Variants in TRAF3IP1 observed in about 807,000 individuals in gnomAD.
The protein encoded by TRAF3IP1 is intraflagellar transport 54.
In TRAF3IP1, 53 loss-of-function variants were observed where a neutral mutation model predicts 89.9. That is an observed-to-expected ratio of 0.59 (90% confidence interval 0.47 to 0.74). The LOEUF (loss-of-function observed/expected upper bound fraction) is 0.74. Ranked by LOEUF, TRAF3IP1 falls within the 30% of genes least tolerant of loss-of-function variation. The pLI is 0.00. For missense variants in TRAF3IP1, 806 were observed against 866.1 expected, an observed-to-expected ratio of 0.93 and a Z score of 0.87; for synonymous variants, 311 against 322.1, an observed-to-expected ratio of 0.97 and a Z score of 0.37.
intron 15 of TRAF3IP1, among the ~76,000 whole-genome samples, chr2:238,373,214 A>G (rs1700180372): frequency 6.6e-6 from 1 of 152,178 alleles, no homozygotes; most frequent in Non-Finnish European, 1.5e-5. Context: ...GCCCATGCCT[A>G]TGTCCTGAAT....
At chr2:238,354,489 C>A (rs1368631633) in intron 14 of TRAF3IP1, among the ~76,000 whole-genome samples, 1 of 152,204 alleles carries the variant, frequency 6.6e-6, no homozygotes, top group Non-Finnish European at 1.5e-5. Context: ...TCTTCCATCT[C>A]ATGCCAAAAA....
chr2:238,333,907 G>T (rs1698251002), intron 6 of TRAF3IP1, 53 bp from the exon 7 acceptor site: 1 of 1,413,368 alleles, frequency 7.1e-7, no homozygotes, highest in Non-Finnish European at 9.8e-7. Flanking sequence ...ACCTGCTTAT[G>T]ATACTGCTGT....
rs368349967 is a variant in TRAF3IP1 at position 238,360,342 on chromosome 2, TAG to T, written c.1689+4263_1689+4264del. 7.4e-4 allele frequency among the ~76,000 whole-genome samples: 113 copies of T among 152,280 alleles called. 2 individuals carry two copies. The highest frequency in any genetic ancestry group is 2.6e-3 in the African/African-American group (106 of 41,560). On this transcript the variant is annotated intron_variant, in intron 15 of 16. Coordinates refer to ENST00000373327, the MANE Select transcript of TRAF3IP1 (RefSeq NM_015650.4). ...AACTTTTTAAGAAACTGCCAGACCA[TAG>T]GGCTGGGTGCTATGGCTCACACCTG... is the stretch of plus-strand genomic sequence containing the variant.
At chr2:238,381,668 A>G (rs563948081) in intron 15 of TRAF3IP1, among the ~76,000 whole-genome samples, 1 of 152,298 alleles carries the variant, frequency 6.6e-6, no homozygotes, top group Admixed American at 6.5e-5. Context: ...CCCTGATGGG[A>G]TCCTCGAAAA....
rs1286640773 is a variant in TRAF3IP1 at position 238,400,793 on chromosome 2, T to C, written c.*1874T>C. 9.2e-5 allele frequency: 14 copies of C among 152,240 alleles called. No homozygotes were observed. Among genetic ancestry groups the C allele is most frequent in the African/African-American group, 3.1e-4 (13 of 41,470 alleles). 9.4% of individuals were successfully genotyped at this position (152,240 alleles called of 1,614,324 possible). A position where few individuals can be genotyped will look rare whatever the true frequency, so the allele number is the denominator to read the frequency against. On this transcript the variant is annotated 3_prime_UTR_variant, in exon 17 of 17. Transcript: ENST00000373327. ...TGGGGGTTGCCAAAAATTGCATACA[T>C]TGTATGTAAGTAAAATTTTTTATGA...
chr2:238,323,227 T>C (rs1285938026), intron 1 of TRAF3IP1, among the ~76,000 whole-genome samples: 1 of 152,128 alleles, frequency 6.6e-6, no homozygotes, highest in Non-Finnish European at 1.5e-5. Flanking sequence ...TGCAGGCACA[T>C]GCCACCATGT....
chr2:238,334,940 A>G (rs1184308854), intron 7 of TRAF3IP1, among the ~76,000 whole-genome samples: 2 of 152,156 alleles, frequency 1.3e-5, no homozygotes, highest in Non-Finnish European at 2.9e-5. Flanking sequence ...GCTGATTTTG[A>G]TGGACGAAAA....
At chr2:238,352,684 C>A in intron 12 of TRAF3IP1, 143 bp from the exon 13 acceptor site, 1 of 821,790 alleles carries the variant, frequency 1.2e-6, no homozygotes, top group Non-Finnish European at 1.9e-6. Context: ...TCCATCTTAG[C>A]TTCAGCGGGT....
At chr2:238,366,865 G>T (rs1699897883) in intron 15 of TRAF3IP1, among the ~76,000 whole-genome samples, 1 of 152,062 alleles carries the variant, frequency 6.6e-6, no homozygotes, top group African/African-American at 2.4e-5. Flanking sequence ...GTTAGCCCCA[G>T]GATGAAAATT....
At chr2:238,339,122 G>A (rs75556220) in intron 8 of TRAF3IP1, among the ~76,000 whole-genome samples, 3 of 152,316 alleles carry the variant, frequency 2.0e-5, no homozygotes, top group Non-Finnish European at 2.9e-5. Context: ...ACTTTTACAC[G>A]TTCTGGAGCG....
rs771260342 is a variant in TRAF3IP1, at chr2:238,345,571, A to G, written c.1261+973A>G. 6.6e-6 allele frequency among the ~76,000 whole-genome samples: 1 copy of G among 152,172 alleles called. No homozygotes were observed. The highest frequency in any genetic ancestry group is 1.5e-5 in the Non-Finnish European group (1 of 68,018). On this transcript the variant is annotated intron_variant, in intron 9 of 16. Transcript: ENST00000373327. This position sits in a 1 kb window ranked among gnomAD's most constrained non-coding sequence, Gnocchi z 4.7. ...TTATATCTTTAGGAGGAGCAGTATA[A>G]TGATATTTAGATTTTAAAGAGTGGC...
chr2:238,395,583 G>C lies in TRAF3IP1; in HGVS notation c.1690-1876G>C, dbSNP rs1478220879. 1.3e-4 allele frequency among the ~76,000 whole-genome samples: 20 copies of C among 152,274 alleles called. No individual in the cohort carries two copies. The East Asian group carries it at 3.7e-3, about 28-fold the overall frequency. ...TGCACAGCAAAAGAAACTACCATCA[G>C]GGTGAACAGGCAACCTACAAAATTA... On this transcript the variant is annotated intron_variant, in intron 15 of 16. Transcript: ENST00000373327.
Position 238,351,027 on chromosome 2 carries a change from A to G in TRAF3IP1, c.1451+1619A>G, listed in dbSNP as rs1354473505. 2.0e-5 allele frequency among the ~76,000 whole-genome samples: 3 copies of G among 152,090 alleles called. No homozygotes were observed. Among genetic ancestry groups the G allele is most frequent in the Non-Finnish European group, 4.4e-5 (3 of 68,018 alleles). ...TTGAGAGGCTGAAGGTGCCGGATGGATAGAAGGATTGTTGGAGTCAGGTCC... is the reference window on the plus strand; with the variant it reads ...TTGAGAGGCTGAAGGTGCCGGATGGGTAGAAGGATTGTTGGAGTCAGGTCC... On this transcript the variant is annotated intron_variant, in intron 12 of 16. Coordinates refer to ENST00000373327, the MANE Select transcript of TRAF3IP1 (RefSeq NM_015650.4). The surrounding 1 kb of genome is among the most constrained non-coding windows in gnomAD (Gnocchi z 5.2).
intron 8 of TRAF3IP1, among the ~76,000 whole-genome samples, chr2:238,343,646 CTTTTTTTTTTT>C (rs34626636): frequency 1.8e-5 from 2 of 113,464 alleles, no homozygotes; most frequent in African/African-American, 3.2e-5. Flanking sequence ...TGTGCTTGGC[CTTTTTTTTTTT>C]TTTTTTTTTC....
At chr2:238,333,285 C>T (rs13406787) in intron 6 of TRAF3IP1, among the ~76,000 whole-genome samples, 17,717 of 152,040 alleles carry the variant, frequency 0.12, 1,753 homozygotes, top group African/African-American at 0.27. Context: ...TCTGGTTGGC[C>T]TGTTCAGGAC....
chr2:238,321,568 C>T (rs756875978), intron 1 of TRAF3IP1, among the ~76,000 whole-genome samples: 1 of 152,172 alleles, frequency 6.6e-6, no homozygotes, highest in Non-Finnish European at 1.5e-5. Flanking sequence ...TCCTCCGTGA[C>T]GGAGACCCTG....
intron 7 of TRAF3IP1, among the ~76,000 whole-genome samples, chr2:238,337,066 T>G (rs1218190539): frequency 1.3e-5 from 2 of 152,098 alleles, no homozygotes; most frequent in East Asian, 3.9e-4. Context: ...GTTGGCCCCA[T>G]GCAGGGCTGC....
At chr2:238,359,123 C>CT (rs1699551647) in intron 15 of TRAF3IP1, among the ~76,000 whole-genome samples, 1 of 152,216 alleles carries the variant, frequency 6.6e-6, no homozygotes, top group Non-Finnish European at 1.5e-5. Context: ...CTGATTTCAG[C>CT]TTTGGGGGTT....
chr2:238,396,855 AC>A (rs1701247739), intron 15 of TRAF3IP1, among the ~76,000 whole-genome samples: 1 of 152,114 alleles, frequency 6.6e-6, no homozygotes, highest in African/African-American at 2.4e-5. Context: ...GTCTAAGTCG[AC>A]CTGACCATCT....
Sources: allele counts gnomAD v4.1 joint callset (sites outside exome capture counted in the v4.1 genomes callset), GRCh38; gene constraint gnomAD v4.1.1; non-coding constraint Gnocchi (gnomAD v3.1); transcripts MANE v1.5; gene names NCBI Gene and HGNC (gene_info 2026-07-23, HGNC 2026-07-21).